P2RY10: variants seen among roughly 807,000 people sequenced by gnomAD.
P2RY10 encodes putative P2Y purinoceptor 10.
In P2RY10, 4 loss-of-function variants were observed where a neutral mutation model predicts 12.1. That is an observed-to-expected ratio of 0.33 (90% CI 0.16 to 0.76). The LOEUF (loss-of-function observed/expected upper bound fraction) is 0.76. Among genes scored for constraint, P2RY10 ranks in the 30% least tolerant of loss-of-function variants. The pLI, the probability that P2RY10 is intolerant of heterozygous loss-of-function variation, is 0.61. For missense variants in P2RY10, 233 were observed against 264.6 expected, an observed-to-expected ratio of 0.88 and a Z score of 0.83; for synonymous variants, 112 against 94.1, an observed-to-expected ratio of 1.19 and a Z score of -1.10.
chrX:78,949,479 A>G (rs1269678720), intron 2 of P2RY10, among the ~76,000 whole-genome samples: 2 of 111,954 alleles, frequency 1.8e-5, no homozygotes, highest in Non-Finnish European at 3.8e-5. Flanking sequence ...AGGCCAGAGA[A>G]CCGACAATTG....
At position 78,962,737 on chromosome X, in the gene P2RY10, T is replaced by C. The variant is rs187856949; in HGVS notation, c.*1197T>C. On this transcript the variant is annotated 3_prime_UTR_variant, in exon 4 of 4. Transcript: ENST00000171757. ...GTTCATTATTTCTAAAAAATGTATA[T>C]TTTAAGGCATGATACAAGTCCTACA... 9.0e-6 allele frequency among the ~76,000 whole-genome samples: 1 copy of C among 111,039 alleles called. No individual in the cohort carries two copies. Among genetic ancestry groups the C allele is most frequent in the African/African-American group, 3.3e-5 (1 of 30,604 alleles).
chrX:78,948,527 A>G (rs993345716), intron 2 of P2RY10, among the ~76,000 whole-genome samples: 5 of 111,491 alleles, frequency 4.5e-5, no homozygotes, highest in African/African-American at 1.3e-4. Context: ...GGTAAATTAT[A>G]TAGCAGTAAA....
chrX:78,960,319 TC>T (rs1922545668), intron 3 of P2RY10, among the ~76,000 whole-genome samples, 188 bp from the exon 4 acceptor site: 1 of 112,012 alleles, frequency 8.9e-6, no homozygotes, highest in African/African-American at 3.2e-5. Context: ...ATTTTATGGT[TC>T]CTTAACTGTT....
At chrX:78,955,874 G>A (rs1210532379) in intron 3 of P2RY10, among the ~76,000 whole-genome samples, 2 of 111,592 alleles carry the variant, frequency 1.8e-5, no homozygotes, top group African/African-American at 3.3e-5. Context: ...TCATAGGATG[G>A]GGCTTATTGA....
chrX:78,948,712 TA>T (rs1275921290), intron 2 of P2RY10, among the ~76,000 whole-genome samples: 1 of 111,782 alleles, frequency 8.9e-6, no homozygotes, highest in Non-Finnish European at 1.9e-5. Flanking sequence ...TGAGAACATC[TA>T]TTTTTTTTAT....
At chrX:78,959,365 C>T (rs1922496777) in intron 3 of P2RY10, among the ~76,000 whole-genome samples, 1 of 111,135 alleles carries the variant, frequency 9.0e-6, no homozygotes, top group Admixed American at 9.6e-5. Context: ...AAAGGTCCTT[C>T]CCAGTCTGAA....
At chrX:78,947,118 G>A (rs1047044605) in intron 1 of P2RY10, among the ~76,000 whole-genome samples, 1 of 110,591 alleles carries the variant, frequency 9.0e-6, no homozygotes, top group Non-Finnish European at 1.9e-5. Flanking sequence ...GGCAAGCTGA[G>A]GCTGGAGAAT....
rs183308855 is a variant in P2RY10 at position 78,958,187 on chromosome X, G to A, written c.-13-2321G>A. Reference sequence around the variant, plus strand: ...CTAGACGAATTCTAGTGTTATATAAGTTCCTACTATGGGATTAGAATGGTT... The same window carrying A: ...CTAGACGAATTCTAGTGTTATATAAATTCCTACTATGGGATTAGAATGGTT... On this transcript the variant is annotated intron_variant, in intron 3 of 3. Transcript: ENST00000171757. Among the ~76,000 whole-genome samples, 18 of 112,492 alleles carry A rather than the reference G, an allele frequency of 1.6e-4. No individual in the cohort carries two copies. The East Asian group carries it at 5.0e-3, about 31-fold the overall frequency.
chrX:78,948,623 A>G (rs1242424107), intron 2 of P2RY10, among the ~76,000 whole-genome samples: 1 of 110,672 alleles, frequency 9.0e-6, no homozygotes, highest in Non-Finnish European at 1.9e-5. Context: ...TGTCTCACCC[A>G]CCCTCTTCTG....
intron 2 of P2RY10, among the ~76,000 whole-genome samples, chrX:78,951,347 A>G (rs1922092731): frequency 8.9e-6 from 1 of 112,235 alleles, no homozygotes; most frequent in Non-Finnish European, 1.9e-5. Flanking sequence ...CAGATTTCTT[A>G]GACTAAAACC....
intron 1 of P2RY10, among the ~76,000 whole-genome samples, chrX:78,946,230 C>A (rs1471916906): frequency 1.8e-5 from 2 of 111,832 alleles, no homozygotes; most frequent in Non-Finnish European, 3.8e-5. Flanking sequence ...GAGAAAGTAT[C>A]CCAGATGACT....
At chrX:78,960,377 A>G (rs747953977) in intron 3 of P2RY10, 131 bp from the exon 4 acceptor site, 159 of 519,010 alleles carry the variant, frequency 3.1e-4, no homozygotes, top group Non-Finnish European at 4.7e-4. Context: ...TGAGCCTCTA[A>G]TTCTTTATAT....
rs763102134 is a variant in P2RY10, at chrX:78,960,570, G to A, written c.50G>A (p.Ser17Asn). ...GAAACATTCAAGATGGGTAGCAACAGTACCAGCACTGCTGAGATTTACTGT... is the reference window on the plus strand; with the variant it reads ...GAAACATTCAAGATGGGTAGCAACAATACCAGCACTGCTGAGATTTACTGT... ...YTETFKMGSNSTSTAEIYCNV... is the reference protein window; with the variant it reads ...YTETFKMGSNNTSTAEIYCNV... Residue 17 changes from serine to asparagine, a missense_variant, in exon 4 of 4, where the codon AGT becomes AAT. Coordinates refer to ENST00000171757, the MANE Select transcript of P2RY10 (RefSeq NM_014499.4). The A allele has an allele frequency of 2.5e-6, 3 of 1,209,181 alleles. No individual in the cohort carries two copies. The South Asian group carries it at 5.3e-5, about 21-fold the overall frequency.
At chrX:78,959,500 A>C (rs751908335) in intron 3 of P2RY10, among the ~76,000 whole-genome samples, 1 of 111,922 alleles carries the variant, frequency 8.9e-6, no homozygotes, top group Admixed American at 9.5e-5. Context: ...TACTCTCTCT[A>C]TACCTTAATA....
chrX:78,948,761 T>G (rs1474413520), intron 2 of P2RY10, among the ~76,000 whole-genome samples: 1 of 112,135 alleles, frequency 8.9e-6, no homozygotes, highest in East Asian at 2.8e-4. Flanking sequence ...AATAGTGGAC[T>G]CCACCTCCAT....
At position 78,963,160 on chromosome X, in the gene P2RY10, T is replaced by C. The variant is rs895971394; in HGVS notation, c.*1620T>C. Among the ~76,000 whole-genome samples the C allele has an allele frequency of 8.9e-6, 1 of 111,924 alleles. No individual in the cohort carries two copies. Among genetic ancestry groups the C allele is most frequent in the Admixed American group, 9.5e-5 (1 of 10,540 alleles). On this transcript the variant is annotated 3_prime_UTR_variant, in exon 4 of 4. Transcript: ENST00000171757. Reference sequence around the variant, plus strand: ...TTTTATGTCTGCAGTATAAATAGCATAGACATTTGGTGTGAAGGGAGGAGA... The same window carrying C: ...TTTTATGTCTGCAGTATAAATAGCACAGACATTTGGTGTGAAGGGAGGAGA...
In P2RY10 at chrX:78,961,581, T is replaced by C. The variant is rs775240970; in HGVS notation, c.*41T>C. ...TTAATTACGCCTTTGTTTACCTACG[T>C]TCCTTGTCTTTTTCCAAAGGCCAGA... is the stretch of plus-strand genomic sequence containing the variant. On this transcript the variant is annotated 3_prime_UTR_variant, in exon 4 of 4. Coordinates refer to ENST00000171757, the MANE Select transcript of P2RY10 (RefSeq NM_014499.4). 6.0e-6 allele frequency: 6 copies of C among 1,007,795 alleles called. No homozygotes were observed. The East Asian group carries it at 1.2e-4, about 21-fold the overall frequency. The allele number at this position is 1,007,795 out of a possible 1,213,427, so 83.1% of individuals were successfully genotyped here.
Position 78,960,622 on chromosome X carries a change from C to T in P2RY10, c.102C>T (p.Tyr34=), listed in dbSNP as rs968449959. The change falls in exon 4 of 4, where the codon TAC becomes TAT. Residue 34 remains tyrosine (Y), a synonymous_variant. Coordinates refer to ENST00000171757, the MANE Select transcript of P2RY10 (RefSeq NM_014499.4). ...ATGTCACTAATGTGAAATTTCAATACTCCCTCTATGCAACCACCTATATCC... is the reference window on the plus strand; with the variant it reads ...ATGTCACTAATGTGAAATTTCAATATTCCCTCTATGCAACCACCTATATCC... ...YCNVTNVKFQ[Y]SLYATTYILI... is the part of the protein sequence containing the mutation. The T allele has an allele frequency of 3.3e-6, 4 of 1,207,610 alleles. No homozygotes were observed. The highest frequency in any genetic ancestry group is 1.8e-5 in the African/African-American group (1 of 57,069).
At chrX:78,947,977 A>T (rs768977519) in intron 2 of P2RY10, 114 bp downstream of exon 2, 1 of 170,622 alleles carries the variant, frequency 5.9e-6, no homozygotes, top group South Asian at 2.7e-4. Flanking sequence ...CAATCTTTTA[A>T]ACCCAAGGTT....
Sources: allele counts gnomAD v4.1 joint callset (sites outside exome capture counted in the v4.1 genomes callset), GRCh38; gene constraint gnomAD v4.1.1; transcripts MANE v1.5; gene names NCBI Gene and HGNC (gene_info 2026-07-23, HGNC 2026-07-21).